Variants in CTNNA2 observed in about 807,000 individuals in gnomAD.
CTNNA2 encodes catenin alpha-2.
In CTNNA2, 42 loss-of-function variants were observed where a neutral mutation model predicts 101.0. The observed-to-expected ratio is 0.42, with a 90% confidence interval of 0.32 to 0.54. The LOEUF (loss-of-function observed/expected upper bound fraction) is 0.54. Ranked by LOEUF, CTNNA2 falls within the 20% of genes least tolerant of loss-of-function variation. The probability of loss-of-function intolerance (pLI) is 0.14; values close to 1 mark genes in which losing one functional copy is unlikely to be tolerated. For synonymous variants in CTNNA2, 450 were observed against 456.4 expected (o/e 0.99, Z 0.18); for missense variants, 871 against 1,223.1 (o/e 0.71, Z 4.29).
chr2:80,053,597 G>A (rs568025614), intron 7 of CTNNA2, among the ~76,000 whole-genome samples: 2 of 152,266 alleles, frequency 1.3e-5, no homozygotes, highest in South Asian at 2.1e-4. Flanking sequence ...CAGTGCAAAG[G>A]TGTCACTTCC....
chr2:80,018,779 T>TA (rs11374204), intron 7 of CTNNA2, among the ~76,000 whole-genome samples: 39,717 of 123,772 alleles, frequency 0.32, 6,312 homozygotes, highest in East Asian at 0.68. Flanking sequence ...AGACTCTGTG[T>TA]AAAAAAAAAA....
intron 2 of CTNNA2, among the ~76,000 whole-genome samples, chr2:79,238,757 C>T (rs1339922804): frequency 6.6e-6 from 1 of 152,124 alleles, no homozygotes; most frequent in Non-Finnish European, 1.5e-5. Context: ...GTTGTTCTTT[C>T]ACAGCCATTA....
intron 7 of CTNNA2, among the ~76,000 whole-genome samples, chr2:79,941,225 T>A (rs1688138869): frequency 6.6e-6 from 1 of 152,232 alleles, no homozygotes. Flanking sequence ...AGCTTTTATT[T>A]CCCTATAGCC....
At chr2:79,895,929 A>G (rs1281805690) in intron 6 of CTNNA2, among the ~76,000 whole-genome samples, 1 of 152,154 alleles carries the variant, frequency 6.6e-6, no homozygotes, top group African/African-American at 2.4e-5. Flanking sequence ...TCTTCAGAGG[A>G]GATTCTCAGA....
At chr2:79,427,605 C>A (rs1036990497) in intron 4 of CTNNA2, among the ~76,000 whole-genome samples, 1 of 145,908 alleles carries the variant, frequency 6.9e-6, no homozygotes, top group African/African-American at 2.5e-5. Flanking sequence ...TCTCTAGGAA[C>A]GTTCTTTCTT....
chr2:80,029,953 C>T (rs989358463), intron 7 of CTNNA2, among the ~76,000 whole-genome samples: 6 of 151,840 alleles, frequency 4.0e-5, no homozygotes, highest in African/African-American at 1.2e-4. Context: ...TTAGTGTGGG[C>T]CTTGGACAAT....
intron 4 of CTNNA2, among the ~76,000 whole-genome samples, chr2:79,484,727 T>C (rs1294844240): frequency 6.6e-6 from 1 of 152,164 alleles, no homozygotes. Context: ...CTAAGCATAG[T>C]GTAGTCCACA....
intron 7 of CTNNA2, among the ~76,000 whole-genome samples, chr2:80,163,756 C>G (rs977967397): frequency 4.6e-5 from 7 of 152,000 alleles, no homozygotes; most frequent in African/African-American, 1.7e-4. Flanking sequence ...TCTATTCTTT[C>G]AGTTCTATCA....
intron 9 of CTNNA2, among the ~76,000 whole-genome samples, chr2:80,500,062 G>A (rs1229424121): frequency 2.0e-5 from 3 of 152,032 alleles, no homozygotes; most frequent in African/African-American, 7.2e-5. Context: ...TGTTTATGTA[G>A]TAGAAGAATG....
At chr2:79,346,805 C>T (rs1573104192) in intron 3 of CTNNA2, among the ~76,000 whole-genome samples, 1 of 152,214 alleles carries the variant, frequency 6.6e-6, no homozygotes, top group East Asian at 1.9e-4. Context: ...TCTACTAAAC[C>T]TCTCATGCTC....
At chr2:80,375,744 T>C (rs1418316869) in intron 7 of CTNNA2, among the ~76,000 whole-genome samples, 1 of 151,888 alleles carries the variant, frequency 6.6e-6, no homozygotes, top group Non-Finnish European at 1.5e-5. Flanking sequence ...TTTGTATTTT[T>C]AGTAGAAACA....
At chr2:79,973,277 A>G (rs553128360) in intron 7 of CTNNA2, among the ~76,000 whole-genome samples, 130 of 152,272 alleles carry the variant, frequency 8.5e-4, no homozygotes, top group Admixed American at 1.2e-3. Flanking sequence ...TGCTGCAAGT[A>G]CAAAGCAGGG....
intron 7 of CTNNA2, among the ~76,000 whole-genome samples, chr2:80,198,596 A>G (rs1178406378): frequency 6.6e-6 from 1 of 152,138 alleles, no homozygotes; most frequent in African/African-American, 2.4e-5. Flanking sequence ...AATGTGTGAG[A>G]CTGTTTTTAA....
chr2:79,984,786 A>G (rs185645655), intron 7 of CTNNA2, among the ~76,000 whole-genome samples: 1 of 152,188 alleles, frequency 6.6e-6, no homozygotes, highest in Non-Finnish European at 1.5e-5. Flanking sequence ...TCCCTTCACT[A>G]TATCCTCTGA....
At chr2:80,342,659 CA>C (rs1244019562) in intron 7 of CTNNA2, among the ~76,000 whole-genome samples, 1 of 151,832 alleles carries the variant, frequency 6.6e-6, no homozygotes, top group Non-Finnish European at 1.5e-5. Flanking sequence ...TCTTTTCATA[CA>C]AAATTTCAAA....
chr2:80,595,762 T>C (rs1169365621), intron 15 of CTNNA2, among the ~76,000 whole-genome samples: 1 of 152,246 alleles, frequency 6.6e-6, no homozygotes, highest in Non-Finnish European at 1.5e-5. Context: ...TTTTGGTTAC[T>C]GTAGCTTTGT....
At chr2:80,023,670 A>G (rs949295009) in intron 7 of CTNNA2, among the ~76,000 whole-genome samples, 1 of 152,218 alleles carries the variant, frequency 6.6e-6, no homozygotes, top group South Asian at 2.1e-4. Flanking sequence ...GCAAATTACT[A>G]TACTAGGAAA....
At chr2:80,269,433 T>C (rs1673282954) in intron 7 of CTNNA2, among the ~76,000 whole-genome samples, 1 of 152,216 alleles carries the variant, frequency 6.6e-6, no homozygotes, top group South Asian at 2.1e-4. Context: ...TGTGAGTCAA[T>C]TAAACCTCTT....
At chr2:79,309,487 G>A (rs1676318716) in intron 2 of CTNNA2, among the ~76,000 whole-genome samples, 1 of 152,152 alleles carries the variant, frequency 6.6e-6, no homozygotes, top group Non-Finnish European at 1.5e-5. Context: ...GAAGAATGCA[G>A]AAACAAAGAA....
Sources: gnomAD v4.1 joint callset for allele counts (sites outside exome capture counted in the v4.1 genomes callset) on GRCh38, gnomAD v4.1.1 for gene constraint, MANE v1.5 for transcripts, NCBI Gene and HGNC (gene_info 2026-07-23, HGNC 2026-07-21) for gene names.